Variants in PDSS2 observed in about 807,000 individuals in gnomAD.
PDSS2 encodes decaprenyl diphosphate synthase subunit 2.
PDSS2 carries 31 observed loss-of-function variants against 44.5 expected under a neutral mutation model. That is an observed-to-expected ratio of 0.70 (90% confidence interval 0.52 to 0.94). The LOEUF (loss-of-function observed/expected upper bound fraction) is 0.94. PDSS2 is among the 40% of genes least tolerant of loss of function. The pLI is 0.00. For synonymous variants in PDSS2, 157 were observed against 180.3 expected (o/e 0.87, Z 1.03); for missense variants, 452 against 482.2 (o/e 0.94, Z 0.59).
chr6:107,292,355 T>C (rs1172637075), intron 2 of PDSS2, among the ~76,000 whole-genome samples: 1 of 152,150 alleles, frequency 6.6e-6, no homozygotes, highest in East Asian at 1.9e-4. Context: ...ATTCATTTCC[T>C]CCCCTCTTGA....
At chr6:107,438,117 A>T (rs1289032312) in intron 1 of PDSS2, among the ~76,000 whole-genome samples, 2 of 152,174 alleles carry the variant, frequency 1.3e-5, no homozygotes, top group African/African-American at 4.8e-5. Flanking sequence ...AGGTCATCTC[A>T]AACTTTGTTG....
intron 2 of PDSS2, among the ~76,000 whole-genome samples, chr6:107,297,827 C>T (rs905419636): frequency 2.6e-5 from 4 of 152,206 alleles, no homozygotes; most frequent in Non-Finnish European, 5.9e-5. Context: ...CTCACTGCAA[C>T]CTCCACCTCC....
chr6:107,329,924 C>T (rs903043853), intron 2 of PDSS2, among the ~76,000 whole-genome samples: 8 of 150,126 alleles, frequency 5.3e-5, no homozygotes, highest in African/African-American at 1.7e-4. Flanking sequence ...TTGCTTGAAA[C>T]TGGGAGGCAG....
In PDSS2 at chr6:107,433,221, C is replaced by G. The variant is rs2114765028; in HGVS notation, c.296+25769G>C. Among the ~76,000 whole-genome samples, 2 of 150,766 alleles carry G rather than the reference C, an allele frequency of 1.3e-5. 1 individual carries two copies. Among genetic ancestry groups the G allele is most frequent in the South Asian group, 4.2e-4 (2 of 4,780 alleles). ...TTAAAATATCCATACTACCCAAAAG[C>G]AACCTACAGATTCAATGCAACATTC... On this transcript the variant is annotated intron_variant, in intron 1 of 7. Transcript: ENST00000369037.
At chr6:107,290,748 C>A (rs1776317375) in intron 2 of PDSS2, among the ~76,000 whole-genome samples, 1 of 152,178 alleles carries the variant, frequency 6.6e-6, no homozygotes, top group Admixed American at 6.5e-5. Flanking sequence ...CTACATAAGG[C>A]CTTCCCTGGG....
chr6:107,310,744 T>C (rs1376239159), intron 2 of PDSS2, among the ~76,000 whole-genome samples: 1 of 152,160 alleles, frequency 6.6e-6, no homozygotes, highest in Non-Finnish European at 1.5e-5. Flanking sequence ...GTCAGGTCCA[T>C]GTGCTCATTA....
At chr6:107,328,864 C>G (rs954659404) in intron 2 of PDSS2, among the ~76,000 whole-genome samples, 7 of 152,190 alleles carry the variant, frequency 4.6e-5, no homozygotes, top group African/African-American at 1.7e-4. Context: ...CACTGAACAC[C>G]TAGTTACAAC....
rs1489879398 is a variant in PDSS2, at chr6:107,394,217, T to C, written c.297-59885A>G. Among the ~76,000 whole-genome samples the C allele has an allele frequency of 3.9e-5, 6 of 152,082 alleles. 1 individual carries two copies. Among genetic ancestry groups the C allele is most frequent in the Admixed American group, 2.6e-4 (4 of 15,252 alleles). On this transcript the variant is annotated intron_variant, in intron 1 of 7. Transcript: ENST00000369037. ...CAAGTGGTTCTTCTAGGATTTGGAG[T>C]ATATGTATTTTACTTACTGTATTAG... is the stretch of plus-strand genomic sequence containing the variant.
chr6:107,334,239 AGT>A lies in PDSS2; in HGVS notation c.388_389del (p.Thr130PhefsTer6). 6.2e-7 allele frequency: 1 copy of A among 1,613,732 alleles called. No homozygotes were observed. Among genetic ancestry groups the A allele is most frequent in the Non-Finnish European group, 8.5e-7 (1 of 1,179,776 alleles). ...TGACCATGTCATAGTTCTGACATGA[AGT>A]GTTCACGCTGCTGGGCCCAGCTGCT... ...SKAAGPSSVN[T>X]SCQNYDMVSG... is the part of the protein sequence containing the mutation. On this transcript the variant is annotated frameshift_variant, in exon 2 of 8. Transcript: ENST00000369037. LOFTEE classifies it high-confidence loss of function.
intron 1 of PDSS2, among the ~76,000 whole-genome samples, chr6:107,453,077 C>CT (rs1166638712): frequency 2.5e-3 from 367 of 147,842 alleles, no homozygotes; most frequent in African/African-American, 8.2e-3. Flanking sequence ...CCTATGTTTT[C>CT]TTTTTTTTTT....
intron 1 of PDSS2, among the ~76,000 whole-genome samples, chr6:107,337,924 G>A (rs1179484127): frequency 6.6e-6 from 1 of 152,092 alleles, no homozygotes; most frequent in Non-Finnish European, 1.5e-5. Flanking sequence ...TGAACTGGGT[G>A]ACAAAAATTA....
intron 2 of PDSS2, among the ~76,000 whole-genome samples, chr6:107,297,806 C>A (rs1048048068): frequency 3.3e-5 from 5 of 151,838 alleles, no homozygotes; most frequent in African/African-American, 1.2e-4. Context: ...AGTGCAATGG[C>A]GCAATCTCCG....
chr6:107,255,318 A>G (rs1774975016), intron 3 of PDSS2, among the ~76,000 whole-genome samples: 2 of 147,160 alleles, frequency 1.4e-5, no homozygotes, highest in Non-Finnish European at 1.5e-5. Context: ...TCAGCCTCCC[A>G]AGTAGCTGGG....
At chr6:107,231,911 G>A (rs1216243798) in intron 4 of PDSS2, among the ~76,000 whole-genome samples, 1 of 150,982 alleles carries the variant, frequency 6.6e-6, no homozygotes, top group Non-Finnish European at 1.5e-5. Context: ...GCAGTGAGCC[G>A]AGATGGTGCC....
intron 7 of PDSS2, among the ~76,000 whole-genome samples, chr6:107,180,641 G>A (rs942837927): frequency 6.6e-6 from 1 of 152,070 alleles, no homozygotes; most frequent in African/African-American, 2.4e-5. Context: ...ACCATTCCAT[G>A]CTTACCGTCA....
chr6:107,458,873 A>G, intron 1 of PDSS2, 117 bp downstream of exon 1: 1 of 862,566 alleles, frequency 1.2e-6, no homozygotes, highest in Non-Finnish European at 1.9e-6. Flanking sequence ...AGTAAAAAGG[A>G]AGGACTAAAA....
intron 3 of PDSS2, among the ~76,000 whole-genome samples, chr6:107,271,108 A>G (rs187424238): frequency 5.3e-5 from 8 of 152,378 alleles, no homozygotes; most frequent in Non-Finnish European, 1.5e-5. Flanking sequence ...TGCATAAAGT[A>G]GATCCTGACA....
Position 107,334,339 on chromosome 6 carries a change from A to G in PDSS2, c.297-7T>C, listed in dbSNP as rs1300506483. ...GCTGTCATGTACAAGCCCCCTGCCA[A>G]CAAGCAAAGAAGGAAGAGGATTAAT... On this transcript the variant is annotated splice_polypyrimidine_tract_variant and splice_region_variant and intron_variant, in intron 1 of 7. Coordinates refer to ENST00000369037, the MANE Select transcript of PDSS2 (RefSeq NM_020381.4). 3 of 1,613,242 alleles carry G rather than the reference A, an allele frequency of 1.9e-6. No individual in the cohort carries two copies. In the South Asian group the frequency reaches 3.3e-5, roughly 18 times the overall value.
intron 7 of PDSS2, among the ~76,000 whole-genome samples, chr6:107,160,618 G>A (rs1771092178): frequency 6.6e-6 from 1 of 151,986 alleles, no homozygotes; most frequent in Non-Finnish European, 1.5e-5. Context: ...CTCCCAAAGT[G>A]CTGGGATTAC....
Sources: gnomAD v4.1 joint callset for allele counts (sites outside exome capture counted in the v4.1 genomes callset) on GRCh38, gnomAD v4.1.1 for gene constraint, MANE v1.5 for transcripts, NCBI Gene and HGNC (gene_info 2026-07-23, HGNC 2026-07-21) for gene names.